Variants in NT5M observed in about 807,000 individuals in gnomAD.
NT5M encodes 5',3'-nucleotidase, mitochondrial, also known as 5'(3')-deoxyribonucleotidase, mitochondrial.
Under a neutral mutation model 22.2 loss-of-function variants are expected in NT5M, and 22 were observed. The ratio of observed to expected loss-of-function variants is 0.99; its 90% CI spans 0.71 to 1.41. The LOEUF is 1.41. NT5M is among the 40% of genes most tolerant of loss of function. The probability of loss-of-function intolerance (pLI) is 0.00; values close to 1 mark genes in which losing one functional copy is unlikely to be tolerated. For synonymous variants in NT5M, 167 were observed against 133.0 expected, an observed-to-expected ratio of 1.26 and a Z score of -1.76; for missense variants, 322 against 314.8, an observed-to-expected ratio of 1.02 and a Z score of -0.17.
chr17:17,317,174 C>T (rs866603123), intron 2 of NT5M, among the ~76,000 whole-genome samples: 3 of 151,484 alleles, frequency 2.0e-5, no homozygotes, highest in Non-Finnish European at 2.9e-5. Context: ...CTCAGCCTCC[C>T]GAGTAGCTGA....
intron 3 of NT5M, among the ~76,000 whole-genome samples, chr17:17,331,686 C>T (rs1483957444): frequency 6.6e-6 from 1 of 151,600 alleles, no homozygotes; most frequent in East Asian, 1.9e-4. Context: ...CCTCTAACTC[C>T]CAGACCATCG....
intron 3 of NT5M, among the ~76,000 whole-genome samples, chr17:17,341,564 C>T (rs888476553): frequency 3.3e-5 from 5 of 152,178 alleles, no homozygotes; most frequent in Admixed American, 3.3e-4. Flanking sequence ...AGATGCTGTC[C>T]TTATCCCTGT....
At chr17:17,323,616 A>C (rs2145375831) in intron 3 of NT5M, among the ~76,000 whole-genome samples, 1 of 152,354 alleles carries the variant, frequency 6.6e-6, no homozygotes, top group East Asian at 1.9e-4. Flanking sequence ...TTTATTGAAA[A>C]GAATTAGAGT....
chr17:17,342,737 G>A (rs2049671908), intron 3 of NT5M, among the ~76,000 whole-genome samples: 3 of 152,188 alleles, frequency 2.0e-5, no homozygotes, highest in African/African-American at 7.2e-5. Flanking sequence ...TGTCAGTCGG[G>A]TCCAGAGAAG....
intron 3 of NT5M, among the ~76,000 whole-genome samples, chr17:17,326,163 T>G (rs1026157128): frequency 7.2e-5 from 11 of 152,266 alleles, no homozygotes; most frequent in Admixed American, 7.2e-4. Context: ...CGCCAGGCAA[T>G]GTCCCTTTAT....
chr17:17,338,726 A>AT (rs34156759), intron 3 of NT5M, among the ~76,000 whole-genome samples: 14,358 of 41,446 alleles, frequency 0.35, 1,817 homozygotes, highest in African/African-American at 0.41. Context: ...TGTCATTGGT[A>AT]TTTTTTTTTT....
intron 4 of NT5M, chr17:17,345,122 G>C: frequency 3.0e-6 from 3 of 1,000,950 alleles, no homozygotes; most frequent in Non-Finnish European, 4.2e-6. Context: ...GCCAGCTCTA[G>C]GGTTAGCTTG....
intron 2 of NT5M, among the ~76,000 whole-genome samples, chr17:17,310,396 G>GTAGGGTAT (rs1287746926): frequency 2.0e-5 from 3 of 151,956 alleles, no homozygotes; most frequent in Non-Finnish European, 4.4e-5. Context: ...ATACAAAAAT[G>GTAGGGTAT]TAGTGTTATA....
At chr17:17,328,322 A>G (rs535534416) in intron 3 of NT5M, among the ~76,000 whole-genome samples, 36 of 152,202 alleles carry the variant, frequency 2.4e-4, no homozygotes, top group Non-Finnish European at 4.3e-4. Flanking sequence ...GTTTATCCAA[A>G]TCTCCCAGCT....
In NT5M at chr17:17,306,552, A is replaced by T; in HGVS notation, c.277A>T (p.Ile93Phe). 1 of 1,613,758 alleles carries T rather than the reference A, an allele frequency of 6.2e-7. No homozygotes were observed. The highest frequency in any genetic ancestry group is 8.5e-7 in the Non-Finnish European group (1 of 1,179,728). ...RLRPGLSEKA[I>F]SIWESKNFFF... ...TTTCTCAACTTCTCAGGAGAAGGCC[A>T]TCAGCATTTGGGAGTCAAAGAATTT... The change falls in exon 2 of 5, where the codon ATC becomes TTC. Residue 93 changes from isoleucine to phenylalanine, a missense_variant. By Grantham distance (21) the Ile-to-Phe change is conservative (BLOSUM62 0). Coordinates refer to ENST00000389022, the MANE Select transcript of NT5M (RefSeq NM_020201.4).
At chr17:17,328,873 C>T (rs1040798414) in intron 3 of NT5M, among the ~76,000 whole-genome samples, 5 of 152,100 alleles carry the variant, frequency 3.3e-5, no homozygotes, top group Admixed American at 2.0e-4. Context: ...CCAGATTGCT[C>T]GGTAATAGTT....
intron 2 of NT5M, among the ~76,000 whole-genome samples, chr17:17,307,323 C>G (rs1171269356): frequency 6.6e-6 from 1 of 151,930 alleles, no homozygotes; most frequent in Non-Finnish European, 1.5e-5. Context: ...ACAGAGCAGA[C>G]ATTAAAGAAT....
chr17:17,317,209 C>G (rs2049050522), intron 2 of NT5M, among the ~76,000 whole-genome samples: 1 of 151,696 alleles, frequency 6.6e-6, no homozygotes, highest in African/African-American at 2.4e-5. Context: ...GCCACCATGC[C>G]CCGCTAATTT....
chr17:17,333,985 C>T (rs1054427393), intron 3 of NT5M, among the ~76,000 whole-genome samples: 1 of 152,036 alleles, frequency 6.6e-6, no homozygotes, highest in African/African-American at 2.4e-5. Flanking sequence ...AGGCACCCAC[C>T]ACCACACCTG....
intron 3 of NT5M, among the ~76,000 whole-genome samples, chr17:17,325,598 C>G (rs2049249069): frequency 6.6e-6 from 1 of 152,226 alleles, no homozygotes; most frequent in Non-Finnish European, 1.5e-5. Context: ...CCTTTCAGTT[C>G]CATGCAGGCT....
chr17:17,316,450 G>C (rs931169320), intron 2 of NT5M, among the ~76,000 whole-genome samples: 1 of 151,424 alleles, frequency 6.6e-6, no homozygotes, highest in African/African-American at 2.4e-5. Context: ...ATCTTGGCTC[G>C]CTGCAACCTT....
At chr17:17,306,512 T>A in intron 1 of NT5M, 31 bp from the exon 2 acceptor site, 1 of 1,525,268 alleles carries the variant, frequency 6.6e-7, no homozygotes, top group Non-Finnish European at 9.1e-7. Flanking sequence ...CTGAGGACCC[T>A]GGAAGTAACT....
chr17:17,335,700 T>A (rs924201876), intron 3 of NT5M, among the ~76,000 whole-genome samples: 39 of 151,968 alleles, frequency 2.6e-4, no homozygotes, highest in African/African-American at 9.2e-4. Flanking sequence ...TGGCGCGATC[T>A]CTGCTCACTA....
In NT5M at chr17:17,335,805, G is replaced by A. The variant is rs927609326; in HGVS notation, c.430-8989G>A. 6.6e-5 allele frequency among the ~76,000 whole-genome samples: 10 copies of A among 151,646 alleles called. No individual in the cohort carries two copies. The East Asian group carries it at 1.9e-3, about 29-fold the overall frequency. ...GTGCCACCATGTCCGGCTAATTTTTGTATTTTTAGTAGAGACGGGGTTTTG... is the reference window on the plus strand; with the variant it reads ...GTGCCACCATGTCCGGCTAATTTTTATATTTTTAGTAGAGACGGGGTTTTG... On this transcript the variant is annotated intron_variant, in intron 3 of 4. Transcript: ENST00000389022.
Sources: gnomAD v4.1 joint callset for allele counts (sites outside exome capture counted in the v4.1 genomes callset) on GRCh38, gnomAD v4.1.1 for gene constraint, MANE v1.5 for transcripts, NCBI Gene and HGNC (gene_info 2026-07-23, HGNC 2026-07-21) for gene names.